Variants in USP42 observed in about 807,000 individuals in gnomAD.
USP42 encodes the protein ubiquitin carboxyl-terminal hydrolase 42.
Under a neutral mutation model 113.0 loss-of-function variants are expected in USP42, and 23 were observed. That is an observed-to-expected ratio of 0.20 (90% CI 0.15 to 0.29). The LOEUF is 0.29. Among genes scored for constraint, USP42 ranks in the 10% least tolerant of loss-of-function variants. The pLI, the probability that USP42 is intolerant of heterozygous loss-of-function variation, is 1.00. For synonymous variants in USP42, 933 were observed against 699.0 expected, an observed-to-expected ratio of 1.33 and a Z score of -5.28; for missense variants, 2,174 against 1,779.8, an observed-to-expected ratio of 1.22 and a Z score of -3.99.
Position 6,110,281 on chromosome 7 carries a change from C to T in USP42, c.-9-844C>T, listed in dbSNP as rs1779526410. The stretch of plus-strand genomic sequence containing the variant: ...GAACGCTGGACCTGGCTCTCAGTCC[C>T]AGTTGCTGACTGGTTGCTTCATTTT... On this transcript the variant is annotated intron_variant, in intron 1 of 17. Transcript: ENST00000306177. Among the ~76,000 whole-genome samples the T allele has an allele frequency of 2.6e-5, 4 of 152,136 alleles. No individual in the cohort carries two copies. In the South Asian group the frequency reaches 8.3e-4, roughly 32 times the overall value.
chr7:6,086,705 CTTTCCT>C, the USP42 span, among the ~76,000 whole-genome samples: 5 of 144,734 alleles, frequency 3.5e-5, no homozygotes, highest in East Asian at 8.6e-4. Flanking sequence ...CTTTCCTTTC[CTTTCCT>C]TTTCCTTTTC....
chr7:6,107,553 G>A (rs1391497743), intron 1 of USP42, among the ~76,000 whole-genome samples: 2 of 151,860 alleles, frequency 1.3e-5, no homozygotes, highest in African/African-American at 4.8e-5. Context: ...GGGATTACAG[G>A]CATGCGCCAC....
intron 2 of USP42, among the ~76,000 whole-genome samples, chr7:6,114,677 T>TG (rs1779806965): frequency 4.2e-5 from 1 of 23,986 alleles, no homozygotes; most frequent in African/African-American, 1.4e-4. Context: ...TATATATATA[T>TG]ATTTTTTTTT....
chr7:6,120,453 G>A (rs1450641279), intron 3 of USP42, among the ~76,000 whole-genome samples: 15 of 151,912 alleles, frequency 9.9e-5, no homozygotes, highest in African/African-American at 3.6e-4. Flanking sequence ...GTGTTGGCCA[G>A]GCTGGTCTCA....
chr7:6,113,297 G>A (rs748638149), intron 2 of USP42, among the ~76,000 whole-genome samples: 2 of 152,046 alleles, frequency 1.3e-5, no homozygotes, highest in African/African-American at 4.8e-5. Flanking sequence ...CAACCTAATC[G>A]AATGTTGCAC....
intron 9 of USP42, among the ~76,000 whole-genome samples, chr7:6,145,014 T>C (rs1781633455): frequency 6.6e-6 from 1 of 152,200 alleles, no homozygotes; most frequent in African/African-American, 2.4e-5. Context: ...TAGATTCCGC[T>C]ATCCTCCCGG....
In USP42 at chr7:6,153,854, C is replaced by G; in HGVS notation, c.2300C>G (p.Ala767Gly). The G allele has an allele frequency of 6.5e-7, 1 of 1,549,698 alleles. No homozygotes were observed. The highest frequency in any genetic ancestry group is 8.7e-7 in the Non-Finnish European group (1 of 1,147,818). The part of the protein sequence containing the change: ...AESLEEPDAA[A>G]GLSSTKKAPP... The stretch of plus-strand genomic sequence containing the variant: ...TCCCTGGAGGAGCCAGATGCGGCCG[C>G]CGGCCTCAGCAGCACCAAGAAGGCT... Residue 767 changes from alanine to glycine, a missense_variant, in exon 15 of 18, where the codon GCC (alanine) becomes GGC (glycine). Transcript: ENST00000306177.
At chr7:6,130,440 C>T (rs1003014547) in intron 3 of USP42, among the ~76,000 whole-genome samples, 48 of 152,274 alleles carry the variant, frequency 3.2e-4, no homozygotes, top group African/African-American at 1.0e-3. Flanking sequence ...TCACCGGGGG[C>T]TGGGGAGGCC....
At chr7:6,095,451 C>T in the USP42 span, among the ~76,000 whole-genome samples, 4 of 150,970 alleles carry the variant, frequency 2.6e-5, no homozygotes, top group Admixed American at 2.0e-4. Context: ...AGGCAGATCA[C>T]GAAGTCAGGA....
chr7:6,158,405 T>G lies in USP42; in HGVS notation c.3944-1045T>G, dbSNP rs1271422920. 2.0e-5 allele frequency among the ~76,000 whole-genome samples: 3 copies of G among 152,218 alleles called. No homozygotes were observed. The highest frequency in any genetic ancestry group is 4.4e-5 in the Non-Finnish European group (3 of 68,042). On this transcript the variant is annotated intron_variant, in intron 16 of 17. Coordinates refer to ENST00000306177, the MANE Select transcript of USP42 (RefSeq NM_032172.3). This position sits in a 1 kb window ranked among gnomAD's most constrained non-coding sequence, Gnocchi z 4.2. ...CCTCCTCCCAGGGGCTTTTGACGAA[T>G]CTTCAGGGCTGCCCTGAGGCCTTTT...
chr7:6,152,245 C>T (rs914013412), intron 14 of USP42, among the ~76,000 whole-genome samples: 2 of 152,098 alleles, frequency 1.3e-5, no homozygotes, highest in Admixed American at 6.5e-5. Context: ...TCACCATACT[C>T]GGTGCCAGGC....
chr7:6,147,480 C>A (rs1175421759), intron 11 of USP42, among the ~76,000 whole-genome samples: 1 of 152,100 alleles, frequency 6.6e-6, no homozygotes, highest in Non-Finnish European at 1.5e-5. Flanking sequence ...AAAAGAAATA[C>A]CTTTCAGATG....
the USP42 span, among the ~76,000 whole-genome samples, chr7:6,091,978 T>G: frequency 1.8e-4 from 12 of 67,928 alleles, no homozygotes; most frequent in South Asian, 6.1e-3. Flanking sequence ...GGACGTATTT[T>G]TTCTTCTTCT....
At position 6,111,291 on chromosome 7, in the gene USP42, C is replaced by A. The variant is rs773945031; in HGVS notation, c.158C>A (p.Ser53Tyr). 6.2e-7 allele frequency: 1 copy of A among 1,607,438 alleles called. No individual in the cohort carries two copies. Among genetic ancestry groups the A allele is most frequent in the South Asian group, 1.1e-5 (1 of 90,102 alleles). ...AATGATGTGTCAAATCACACACTTT[C>A]TTTAGGACCAGTACCTGGTGCTGTA... is the stretch of plus-strand genomic sequence containing the variant. ...SLNDVSNHTL[S>Y]LGPVPGAVVY... Residue 53 changes from serine to tyrosine, a missense_variant, in exon 2 of 18, where the codon TCT becomes TAT. Transcript: ENST00000306177.
chr7:6,100,144 C>T (rs1170026132), upstream of USP42, among the ~76,000 whole-genome samples: 1 of 147,960 alleles, frequency 6.8e-6, no homozygotes, highest in Non-Finnish European at 1.5e-5. Flanking sequence ...TGAGTCACCG[C>T]ACCTGGCCCA....
At chr7:6,120,377 G>T (rs1000346364) in intron 3 of USP42, among the ~76,000 whole-genome samples, 1 of 152,048 alleles carries the variant, frequency 6.6e-6, no homozygotes, top group Non-Finnish European at 1.5e-5. Context: ...CAGGTAACTG[G>T]GATTACAGGC....
chr7:6,153,174 G>A (rs1311461985), intron 14 of USP42, among the ~76,000 whole-genome samples: 1 of 152,118 alleles, frequency 6.6e-6, no homozygotes, highest in African/African-American at 2.4e-5. Flanking sequence ...CCGGGAAGCT[G>A]GGTCAGGAGA....
rs1187768774 is a variant in USP42 at position 6,114,656 on chromosome 7, G to GTGTATATATATATATA, written c.242-666_242-665insGTATATATATATATAT. ...TGTGTGTATATATGTATGTGTGTGTGTATATATATATATATATATATATTT... is the reference window on the plus strand; with the variant it reads ...TGTGTGTATATATGTATGTGTGTGTGTGTATATATATATATATATATATATATATATATATATATTT... On this transcript the variant is annotated intron_variant, in intron 2 of 17. Coordinates refer to ENST00000306177, the MANE Select transcript of USP42 (RefSeq NM_032172.3). Among the ~76,000 whole-genome samples the GTGTATATATATATATA allele has an allele frequency of 1.8e-4, 11 of 60,596 alleles. No individual in the cohort carries two copies. In the East Asian group the frequency reaches 2.6e-3, roughly 14 times the overall value. The allele number at this position is 60,596 out of a possible 152,430, so 39.8% of individuals were successfully genotyped here.
At chr7:6,091,620 ATTC>A in the USP42 span, among the ~76,000 whole-genome samples, 1 of 147,668 alleles carries the variant, frequency 6.8e-6, no homozygotes, top group South Asian at 2.1e-4. Flanking sequence ...TATTAATTTT[ATTC>A]TTGTTTTTTT....
Sources: allele counts gnomAD v4.1 joint callset (sites outside exome capture counted in the v4.1 genomes callset), GRCh38; gene constraint gnomAD v4.1.1; non-coding constraint Gnocchi (gnomAD v3.1); transcripts MANE v1.5; gene names NCBI Gene and HGNC (gene_info 2026-07-23, HGNC 2026-07-21).